The following ZFHX3 variants were observed in gnomAD, a reference collection of about 807,000 sequenced individuals.
ZFHX3 encodes the protein zinc finger homeobox 3, also known as zinc finger homeobox protein 3.
Under a neutral mutation model 279.1 loss-of-function variants are expected in ZFHX3, and 42 were observed. The observed-to-expected ratio is 0.15, with a 90% CI of 0.12 to 0.19. The LOEUF (loss-of-function observed/expected upper bound fraction) is 0.19. Ranked by LOEUF, ZFHX3 falls within the 10% of genes least tolerant of loss-of-function variation. ZFHX3 has a pLI of 1.00. For synonymous variants in ZFHX3, 2,293 were observed against 1,957.8 expected (o/e 1.17, Z -4.52); for missense variants, 4,981 against 4,754.0 (o/e 1.05, Z -1.40).
intron 2 of ZFHX3, among the ~76,000 whole-genome samples, chr16:73,574,346 C>CT (rs1446279393): frequency 9.2e-6 from 1 of 108,978 alleles, no homozygotes; most frequent in African/African-American, 5.6e-5. Context: ...ATTTCTTGGG[C>CT]CCCCCCCAGC....
At chr16:72,950,289 G>A (rs1158530138) in intron 3 of ZFHX3, among the ~76,000 whole-genome samples, 180 bp downstream of exon 3, 1 of 152,008 alleles carries the variant, frequency 6.6e-6, no homozygotes, top group Admixed American at 6.6e-5. Flanking sequence ...AACCTGTCAC[G>A]TTTCCACCTG....
chr16:73,136,412 A>G (rs189946922), intron 6 of ZFHX3, among the ~76,000 whole-genome samples: 3 of 152,040 alleles, frequency 2.0e-5, no homozygotes, highest in Non-Finnish European at 4.4e-5. Flanking sequence ...TGCAAAAGTC[A>G]TTGCAGTTTT....
intron 5 of ZFHX3, among the ~76,000 whole-genome samples, chr16:73,250,775 C>G (rs1041729897): frequency 1.3e-5 from 2 of 152,164 alleles, no homozygotes; most frequent in African/African-American, 4.8e-5. Flanking sequence ...ACCTCATGAT[C>G]CGCCCGCCTC....
intron 1 of ZFHX3, among the ~76,000 whole-genome samples, chr16:73,010,145 G>A (rs1368419558): frequency 6.6e-6 from 1 of 152,108 alleles, no homozygotes; most frequent in Non-Finnish European, 1.5e-5. Context: ...CACAGAGCAA[G>A]GCCCTTTAAC....
chr16:73,579,656 C>T (rs2051836867), intron 2 of ZFHX3, among the ~76,000 whole-genome samples: 1 of 149,278 alleles, frequency 6.7e-6, no homozygotes, highest in South Asian at 2.1e-4. Flanking sequence ...CACCCGCCAC[C>T]ATGCCTGGCT....
chr16:73,128,180 G>T (rs567919765), intron 7 of ZFHX3, among the ~76,000 whole-genome samples: 265 of 142,530 alleles, frequency 1.9e-3, no homozygotes, highest in Middle Eastern at 3.4e-3. Flanking sequence ...ACTGATACAG[G>T]GGGGCTGGGT....
intron 1 of ZFHX3, chr16:73,815,481 T>A (rs1960541627): frequency 6.6e-6 from 1 of 152,146 alleles, no homozygotes; most frequent in Non-Finnish European, 1.5e-5. Context: ...TTGCACATTA[T>A]GTCAGTTCTG....
intron 1 of ZFHX3, among the ~76,000 whole-genome samples, chr16:73,018,361 A>G (rs944998527): frequency 1.3e-5 from 2 of 152,098 alleles, no homozygotes; most frequent in African/African-American, 2.4e-5. Flanking sequence ...TCATCCCAAC[A>G]CTTTGGGAGG....
chr16:73,428,889 A>G (rs1187296311), intron 3 of ZFHX3, among the ~76,000 whole-genome samples: 1 of 152,136 alleles, frequency 6.6e-6, no homozygotes, highest in Non-Finnish European at 1.5e-5. Context: ...CGTCAGCCTC[A>G]CCATGTTAAA....
intron 2 of ZFHX3, among the ~76,000 whole-genome samples, chr16:73,553,873 C>T (rs532027075): frequency 9.2e-5 from 14 of 152,142 alleles, no homozygotes; most frequent in Non-Finnish European, 7.4e-5. Flanking sequence ...TCTTTCTGTT[C>T]ATTGTATTTC....
chr16:73,229,477 A>C (rs777225432), intron 5 of ZFHX3, among the ~76,000 whole-genome samples: 3 of 152,260 alleles, frequency 2.0e-5, no homozygotes, highest in Non-Finnish European at 4.4e-5. Flanking sequence ...ATTACAATGT[A>C]TAACTACATT....
intron 5 of ZFHX3, among the ~76,000 whole-genome samples, chr16:73,156,203 G>A (rs1220384678): frequency 7.3e-6 from 1 of 137,386 alleles, no homozygotes; most frequent in African/African-American, 2.7e-5. Flanking sequence ...CTGCACTCCA[G>A]CCTGGGCGAC....
intron 1 of ZFHX3, among the ~76,000 whole-genome samples, chr16:73,801,418 A>G (rs1292690485): frequency 1.3e-5 from 2 of 152,226 alleles, no homozygotes; most frequent in Non-Finnish European, 2.9e-5. Context: ...GGCGGTGTTC[A>G]ATCCTTTCCT....
At chr16:73,095,948 G>C (rs747212023) in intron 7 of ZFHX3, among the ~76,000 whole-genome samples, 5 of 152,198 alleles carry the variant, frequency 3.3e-5, no homozygotes, top group Non-Finnish European at 7.3e-5. Flanking sequence ...TTTCTTTGAA[G>C]TTTAACACAC....
Position 73,205,548 on chromosome 16 carries a change from A to G in ZFHX3, c.-1104+51499T>C, listed in dbSNP as rs147871918. Among the ~76,000 whole-genome samples, 447 of 152,328 alleles carry G rather than the reference A, an allele frequency of 2.9e-3. 2 individuals carry two copies. The highest frequency in any genetic ancestry group is 4.8e-3 in the Admixed American group (73 of 15,300). Reference sequence around the variant, plus strand: ...TCCTCAATAACGAGATCCAGAGATTAAATTAATTTAACATGGGGCACCATT... The same window carrying G: ...TCCTCAATAACGAGATCCAGAGATTGAATTAATTTAACATGGGGCACCATT... On this transcript the variant is annotated intron_variant, in intron 5 of 17. Coordinates refer to the ZFHX3 transcript ENST00000641206.
chr16:73,699,134 T>C (rs1385879587), intron 1 of ZFHX3, among the ~76,000 whole-genome samples: 1 of 152,168 alleles, frequency 6.6e-6, no homozygotes, highest in Admixed American at 6.5e-5. Context: ...CCGCCCACCT[T>C]GGCCTCCCAA....
In ZFHX3 at chr16:72,796,636, C is replaced by T. The variant is rs776901666; in HGVS notation, c.6046G>A (p.Glu2016Lys). 26 of 1,613,830 alleles carry T rather than the reference C, an allele frequency of 1.6e-5. No individual in the cohort carries two copies. The East Asian group carries it at 5.1e-4, about 32-fold the overall frequency. ...HQNYFPFKQL[E>K]RFAKQYRDHY... ...TCTCTGTACTGTTTGGCAAACCTCT[C>T]GAGCTGTTTGAAAGGAAAGTAATTC... The change falls in exon 9 of 10, where the codon GAG becomes AAG. Residue 2016 changes from glutamate to lysine, a missense_variant. Physicochemically the swap from Glu to Lys is moderately conservative, Grantham distance 56 (BLOSUM62 1). Around this residue, in one of 7 missense-constraint regions of ZFHX3, gnomAD observed 1,751 missense variants for 1,770.0 expected, o/e 0.99. Transcript: ENST00000268489.
At chr16:73,229,003 G>T (rs2012690116) in intron 5 of ZFHX3, among the ~76,000 whole-genome samples, 1 of 151,972 alleles carries the variant, frequency 6.6e-6, no homozygotes, top group Non-Finnish European at 1.5e-5. Context: ...AATATACTCG[G>T]TATATACTCA....
chr16:72,892,739 T>A (rs1007260290), intron 3 of ZFHX3, among the ~76,000 whole-genome samples: 1 of 152,236 alleles, frequency 6.6e-6, no homozygotes, highest in South Asian at 2.1e-4. Context: ...AACTCCTGAC[T>A]TCAAGCGATC....
Sources: allele counts gnomAD v4.1 joint callset (sites outside exome capture counted in the v4.1 genomes callset), GRCh38; gene constraint gnomAD v4.1.1; regional missense constraint gnomAD v4.1.1; transcripts MANE v1.5; gene names NCBI Gene and HGNC (gene_info 2026-07-23, HGNC 2026-07-21).